CDKN2B-AS1: variants seen among roughly 807,000 people sequenced by gnomAD.
CDKN2B-AS1 encodes CDKN2B antisense RNA 1 (non-protein coding).
chr9:22,084,861 C>A (rs1014790376), intron 4 of CDKN2B-AS1, among the ~76,000 whole-genome samples: 2 of 152,146 alleles, frequency 1.3e-5, no homozygotes, highest in South Asian at 4.1e-4. Flanking sequence ...AAATTGCATT[C>A]TTTTCCACAA....
intron 1 of CDKN2B-AS1, among the ~76,000 whole-genome samples, chr9:22,007,147 G>A (rs1177122743): frequency 6.6e-6 from 1 of 152,122 alleles, no homozygotes. Context: ...ATCACCTGAG[G>A]TCAGGAGTTC....
intron 4 of CDKN2B-AS1, among the ~76,000 whole-genome samples, chr9:22,100,158 T>C (rs1285676458): frequency 5.3e-5 from 8 of 152,206 alleles, no homozygotes; most frequent in Non-Finnish European, 8.8e-5. Flanking sequence ...AACAACTTTA[T>C]TGAGGTATAA....
chr9:21,998,101 A>G (rs1039624253), intron 1 of CDKN2B-AS1, among the ~76,000 whole-genome samples: 1 of 152,320 alleles, frequency 6.6e-6, no homozygotes, highest in African/African-American at 2.4e-5. Flanking sequence ...TCTAAATTCC[A>G]TCTTGGTTTC....
Position 22,006,168 on chromosome 9 carries a change from G to C in CDKN2B-AS1, n.29+11007G>C. The C allele has an allele frequency of 6.2e-7, 1 of 1,610,786 alleles. No homozygotes were observed. The highest frequency in any genetic ancestry group is 8.5e-7 in the Non-Finnish European group (1 of 1,179,782). The stretch of plus-strand genomic sequence containing the variant: ...AGCATCATGCACCGGTCGGGTGAGA[G>C]TGGCAGGGTCTGCGCAGTTGGGCTC... On this transcript the variant is annotated intron_variant and non_coding_transcript_variant, in intron 1 of 4. Coordinates refer to ENST00000650946, the Ensembl canonical transcript of CDKN2B-AS1. This position sits in a 1 kb window ranked among gnomAD's most constrained non-coding sequence, Gnocchi z 6.4.
Position 22,025,183 on chromosome 9 carries a change from C to T in CDKN2B-AS1, n.30-21568C>T, listed in dbSNP as rs928023966. The stretch of plus-strand genomic sequence containing the variant: ...CCCCAGAGAGATGTGGGTCAGCAAT[C>T]ATTCAGTTCAATCAGCCCAGGATGG... On this transcript the variant is annotated intron_variant and non_coding_transcript_variant, in intron 1 of 4. Coordinates refer to ENST00000650946, the Ensembl canonical transcript of CDKN2B-AS1. Among the ~76,000 whole-genome samples, 7 of 152,276 alleles carry T rather than the reference C, an allele frequency of 4.6e-5. No homozygotes were observed. In the South Asian group the frequency reaches 1.5e-3, roughly 32 times the overall value.
chr9:22,121,505 A>G (rs1298255436), intron 4 of CDKN2B-AS1, among the ~76,000 whole-genome samples: 1 of 152,006 alleles, frequency 6.6e-6, no homozygotes, highest in Non-Finnish European at 1.5e-5. Flanking sequence ...TATTCTTTCT[A>G]TGTAGCTATA....
intron 4 of CDKN2B-AS1, among the ~76,000 whole-genome samples, chr9:22,105,932 G>C (rs1023775042): frequency 6.6e-6 from 1 of 152,132 alleles, no homozygotes; most frequent in Non-Finnish European, 1.5e-5. Context: ...AGTCAGTCTG[G>C]GAGACTCCAG....
intron 1 of CDKN2B-AS1, chr9:22,032,692 C>A (rs1276262447): frequency 1.3e-5 from 2 of 151,834 alleles, no homozygotes; most frequent in African/African-American, 2.4e-5. Context: ...TAGCACTGAT[C>A]TGTCATCAAT....
At chr9:22,072,272 T>A (rs189428972) in intron 4 of CDKN2B-AS1, among the ~76,000 whole-genome samples, 3 of 152,330 alleles carry the variant, frequency 2.0e-5, no homozygotes, top group Admixed American at 2.0e-4. Flanking sequence ...TAGATAATTT[T>A]TTTATAATGA....
intron 4 of CDKN2B-AS1, among the ~76,000 whole-genome samples, chr9:22,121,357 A>G (rs923164006): frequency 8.7e-6 from 1 of 115,430 alleles, no homozygotes; most frequent in Non-Finnish European, 1.9e-5. Flanking sequence ...AGTAATTTTT[A>G]TTCTTTTAAA....
intron 4 of CDKN2B-AS1, chr9:22,097,363 AG>A (rs1335136189): frequency 6.6e-6 from 1 of 152,206 alleles, no homozygotes; most frequent in Non-Finnish European, 1.5e-5. Flanking sequence ...CCAGTGACTT[AG>A]GTGAGTAAAA....
intron 4 of CDKN2B-AS1, among the ~76,000 whole-genome samples, chr9:22,065,989 TC>T (rs1375206512): frequency 6.6e-6 from 1 of 152,168 alleles, no homozygotes; most frequent in African/African-American, 2.4e-5. Context: ...ACACGGAAGT[TC>T]TTTGAAATAG....
At chr9:22,034,655 A>G (rs1822611379) in intron 1 of CDKN2B-AS1, among the ~76,000 whole-genome samples, 1 of 152,250 alleles carries the variant, frequency 6.6e-6, no homozygotes, top group East Asian at 1.9e-4. Context: ...AAAAATCCTT[A>G]AGGCATACTA....
chr9:22,019,548 G>A (rs1046077031), intron 1 of CDKN2B-AS1, among the ~76,000 whole-genome samples: 1 of 152,214 alleles, frequency 6.6e-6, no homozygotes, highest in African/African-American at 2.4e-5. Context: ...AATGCTGGAT[G>A]AGGATGCAGT....
At chr9:22,113,574 GA>G (rs1825858885) in intron 4 of CDKN2B-AS1, 1 of 152,086 alleles carries the variant, frequency 6.6e-6, no homozygotes, top group Admixed American at 6.5e-5. Context: ...TTCTTGCTTG[GA>G]CTCTAGTATA....
At chr9:22,052,686 C>A (rs1823400034) in intron 3 of CDKN2B-AS1, among the ~76,000 whole-genome samples, 1 of 152,216 alleles carries the variant, frequency 6.6e-6, no homozygotes, top group Non-Finnish European at 1.5e-5. Flanking sequence ...AGTCAGCCCA[C>A]AAATCCCGCA....
At chr9:22,009,725 G>A (rs1821406287) in intron 1 of CDKN2B-AS1, among the ~76,000 whole-genome samples, 2 of 152,160 alleles carry the variant, frequency 1.3e-5, no homozygotes, top group East Asian at 1.9e-4. Context: ...GAAAGCGACA[G>A]CTCTGCACCT....
intron 1 of CDKN2B-AS1, among the ~76,000 whole-genome samples, chr9:22,045,073 T>TGTGTGTG (rs1823053606): frequency 6.6e-6 from 1 of 151,554 alleles, no homozygotes; most frequent in African/African-American, 2.4e-5. Context: ...TGTGTGTGTA[T>TGTGTGTG]TTATTTTCTT....
At chr9:22,085,164 A>C (rs890434490) in intron 4 of CDKN2B-AS1, among the ~76,000 whole-genome samples, 19 of 152,218 alleles carry the variant, frequency 1.2e-4, no homozygotes, top group African/African-American at 4.6e-4. Flanking sequence ...TTCTTTATAC[A>C]TTTCCAATAC....
Sources: gnomAD v4.1 joint callset for allele counts (sites outside exome capture counted in the v4.1 genomes callset) on GRCh38, gnomAD v4.1.1 for gene constraint, Gnocchi (gnomAD v3.1) non-coding constraint, MANE v1.5 for transcripts, NCBI Gene and HGNC (gene_info 2026-07-23, HGNC 2026-07-21) for gene names.